The following SDK2 variants were observed in gnomAD, a reference collection of about 807,000 sequenced individuals.
SDK2 encodes the protein sidekick cell adhesion molecule 2, also known as protein sidekick-2.
SDK2 carries 105 observed loss-of-function variants against 253.9 expected under a neutral mutation model. That is an observed-to-expected ratio of 0.41 (90% CI 0.35 to 0.49). The LOEUF (loss-of-function observed/expected upper bound fraction) is 0.49. Among genes scored for constraint, SDK2 ranks in the 20% least tolerant of loss-of-function variants. The pLI, the probability that SDK2 is intolerant of heterozygous loss-of-function variation, is 0.06. For synonymous variants in SDK2, 1,249 were observed against 1,234.9 expected (o/e 1.01, Z -0.24); for missense variants, 2,608 against 3,003.0 (o/e 0.87, Z 3.07).
intron 1 of SDK2, among the ~76,000 whole-genome samples, chr17:73,540,410 T>G (rs2145819890): frequency 6.6e-6 from 1 of 152,272 alleles, no homozygotes. Flanking sequence ...CTAAACATAT[T>G]TCTTTGTGTC....
At chr17:73,343,375 G>A (rs2062456158) in intron 44 of SDK2, among the ~76,000 whole-genome samples, 2 of 152,232 alleles carry the variant, frequency 1.3e-5, no homozygotes, top group Admixed American at 6.5e-5. Context: ...TGCTGCTCCC[G>A]CCTCCATCTC....
In SDK2 at chr17:73,616,295, C is replaced by A. The variant is rs1348306991; in HGVS notation, c.64+27730G>T. ...CCCACCCTCTCCCCGCCTGTCTGAGCTAGACAAATTTCCACCCCCGGCTCC... is the reference window on the plus strand; with the variant it reads ...CCCACCCTCTCCCCGCCTGTCTGAGATAGACAAATTTCCACCCCCGGCTCC... On this transcript the variant is annotated intron_variant, in intron 1 of 44. Transcript: ENST00000392650. This position sits in a 1 kb window ranked among gnomAD's most constrained non-coding sequence, Gnocchi z 5.2. Among the ~76,000 whole-genome samples, 1 of 152,034 alleles carries A rather than the reference C, an allele frequency of 6.6e-6. No homozygotes were observed. The highest frequency in any genetic ancestry group is 2.4e-5 in the African/African-American group (1 of 41,374).
In SDK2 at chr17:73,447,561, T is replaced by G; in HGVS notation, c.613+54A>C. The G allele has an allele frequency of 1.9e-6, 3 of 1,546,352 alleles. No individual in the cohort carries two copies. The highest frequency in any genetic ancestry group is 2.6e-6 in the Non-Finnish European group (3 of 1,142,656). On this transcript the variant is annotated intron_variant, in intron 5 of 44. Coordinates refer to ENST00000392650, the MANE Select transcript of SDK2 (RefSeq NM_001144952.2). The surrounding 1 kb of genome is among the most constrained non-coding windows in gnomAD (Gnocchi z 4.0). ...TCCCAATGATCCCCTGGAGCACCAT[T>G]GCTAAGATTTAATGGCCCGCTCCAA...
At chr17:73,405,508 ATATAT>A (rs1568385765) in intron 18 of SDK2, among the ~76,000 whole-genome samples, 5,444 of 68,732 alleles carry the variant, frequency 0.079, 1,445 homozygotes, top group Non-Finnish European at 0.094. Context: ...ATATATATAT[ATATAT>A]ATATAAAGAT....
At chr17:73,515,626 G>T (rs546052186) in intron 1 of SDK2, among the ~76,000 whole-genome samples, 13 of 152,342 alleles carry the variant, frequency 8.5e-5, no homozygotes, top group Middle Eastern at 6.8e-3. Flanking sequence ...ATGCAGGCGT[G>T]GGGGCCAAGT....
At chr17:73,576,532 G>A (rs909152393) in intron 1 of SDK2, among the ~76,000 whole-genome samples, 2 of 152,220 alleles carry the variant, frequency 1.3e-5, no homozygotes, top group African/African-American at 4.8e-5. Flanking sequence ...GGACACAGGT[G>A]GAGTTCCATG....
chr17:73,381,934 G>C (rs1044153834), intron 33 of SDK2, among the ~76,000 whole-genome samples: 31 of 151,556 alleles, frequency 2.0e-4, no homozygotes, highest in Non-Finnish European at 2.9e-5. Flanking sequence ...AAAAACAAAA[G>C]CCGGGCGCAG....
intron 2 of SDK2, among the ~76,000 whole-genome samples, chr17:73,491,523 C>T (rs1481137977): frequency 2.0e-5 from 3 of 152,308 alleles, no homozygotes; most frequent in East Asian, 1.9e-4. Flanking sequence ...CAGGCGTGCA[C>T]CACTATGCCC....
chr17:73,568,391 C>T (rs111567497), intron 1 of SDK2, among the ~76,000 whole-genome samples: 45 of 152,290 alleles, frequency 3.0e-4, no homozygotes, highest in African/African-American at 1.0e-3. Flanking sequence ...GCCAAATACA[C>T]GTCTCTTCTT....
At chr17:73,550,016 C>A (rs1366462675) in intron 1 of SDK2, among the ~76,000 whole-genome samples, 3 of 152,102 alleles carry the variant, frequency 2.0e-5, no homozygotes, top group African/African-American at 7.2e-5. Flanking sequence ...ACTAATGCAC[C>A]CCTCCCGCTG....
intron 1 of SDK2, among the ~76,000 whole-genome samples, chr17:73,624,125 GA>G (rs768752348): frequency 1.8e-4 from 27 of 152,228 alleles, no homozygotes; most frequent in Non-Finnish European, 3.5e-4. Context: ...AGAAAATTGG[GA>G]TTCAAAATAG....
At chr17:73,498,792 A>G (rs1003747598) in intron 2 of SDK2, among the ~76,000 whole-genome samples, 5 of 152,130 alleles carry the variant, frequency 3.3e-5, no homozygotes, top group Admixed American at 6.5e-5. Context: ...TTAAGGTACT[A>G]TTTCTCCTTC....
chr17:73,401,542 G>A, intron 20 of SDK2, 112 bp downstream of exon 20: 1 of 998,474 alleles, frequency 1.0e-6, no homozygotes. Flanking sequence ...AAGAAAGCAT[G>A]GGTTGGCTTC....
intron 1 of SDK2, among the ~76,000 whole-genome samples, chr17:73,557,184 T>G (rs561409151): frequency 2.0e-5 from 3 of 152,358 alleles, no homozygotes; most frequent in Non-Finnish European, 4.4e-5. Context: ...AAGTTTCAAC[T>G]GAAGCTCATG....
rs2046369191 is a variant in SDK2, at chr17:73,639,355, G to A, written c.64+4670C>T. ...GCAGTCCCCTCTCTCCCTTCCCCCG[G>A]GGATGCTGAGCATCCCTGCTCAACG... On this transcript the variant is annotated intron_variant, in intron 1 of 44. Transcript: ENST00000392650. This position sits in a 1 kb window ranked among gnomAD's most constrained non-coding sequence, Gnocchi z 4.3. Among the ~76,000 whole-genome samples the A allele has an allele frequency of 6.6e-6, 1 of 152,268 alleles. No individual in the cohort carries two copies. Among genetic ancestry groups the A allele is most frequent in the Non-Finnish European group, 1.5e-5 (1 of 68,008 alleles).
intron 33 of SDK2, among the ~76,000 whole-genome samples, chr17:73,382,839 T>TAACAACAACAACAACAACGAC (rs2062841972): frequency 6.6e-6 from 1 of 151,268 alleles, no homozygotes; most frequent in Non-Finnish European, 1.5e-5. Context: ...CCGTCTCTAC[T>TAACAACAACAACAACAACGAC]AACAACAACA....
chr17:73,356,078 C>T (rs971854807), intron 40 of SDK2, among the ~76,000 whole-genome samples: 1 of 152,182 alleles, frequency 6.6e-6, no homozygotes, highest in South Asian at 2.1e-4. Flanking sequence ...GACACCAAGG[C>T]CTGGAGGAAG....
In SDK2 at chr17:73,438,065, G is replaced by A; in HGVS notation, c.815C>T (p.Pro272Leu). 1 of 1,551,712 alleles carries A rather than the reference G, an allele frequency of 6.4e-7. No individual in the cohort carries two copies. The change falls in exon 7 of 45, where the codon CCC (proline) becomes CTC (leucine). Residue 272 changes from proline (P) to leucine (L), a missense_variant. This residue lies in a region of SDK2 where 1,505 missense variants were observed against 1,859.1 expected (regional missense o/e 0.81). Transcript: ENST00000392650. Reference protein sequence around the residue: ...ISDHNRRLTIPNPTGSDAGYY... With the variant: ...ISDHNRRLTILNPTGSDAGYY... ...GCCGGCGTCACTGCCGGTGGGGTTGGGGATGGTGAGCCGGCGGTTGTGGTC... is the reference window on the plus strand; with the variant it reads ...GCCGGCGTCACTGCCGGTGGGGTTGAGGATGGTGAGCCGGCGGTTGTGGTC...
At chr17:73,487,342 A>T (rs2063776018) in intron 2 of SDK2, among the ~76,000 whole-genome samples, 1 of 152,244 alleles carries the variant, frequency 6.6e-6, no homozygotes, top group Admixed American at 6.5e-5. Context: ...GGGCTGACCC[A>T]AGGCTGGGGC....
Sources: gnomAD v4.1 joint callset for allele counts (sites outside exome capture counted in the v4.1 genomes callset) on GRCh38, gnomAD v4.1.1 for gene constraint, gnomAD v4.1.1 regional missense constraint, Gnocchi (gnomAD v3.1) non-coding constraint, MANE v1.5 for transcripts, NCBI Gene and HGNC (gene_info 2026-07-23, HGNC 2026-07-21) for gene names.